The following SCG5 variants were observed in gnomAD, a reference collection of about 807,000 sequenced individuals.
The protein encoded by SCG5 is neuroendocrine protein 7B2.
Under a neutral mutation model 25.7 loss-of-function variants are expected in SCG5, and 18 were observed. That is an observed-to-expected ratio of 0.70 (90% CI 0.48 to 1.04). SCG5 has a LOEUF of 1.04. Ranked by LOEUF, SCG5 falls within the 50% of genes least tolerant of loss-of-function variation. SCG5 has a pLI of 0.00. For synonymous variants in SCG5, 101 were observed against 91.7 expected (o/e 1.10, Z -0.58); for missense variants, 206 against 259.8 (o/e 0.79, Z 1.42).
chr15:32,649,819 A>T (rs145567186), intron 2 of SCG5, among the ~76,000 whole-genome samples: 1 of 152,332 alleles, frequency 6.6e-6, no homozygotes, highest in Admixed American at 6.5e-5. Flanking sequence ...TATGGCAGAG[A>T]ACTCGGGTTA....
chr15:32,657,865 G>A (rs55683307), intron 2 of SCG5, among the ~76,000 whole-genome samples: 24,753 of 152,094 alleles, frequency 0.16, 2,183 homozygotes, highest in Middle Eastern at 0.23. Flanking sequence ...TATTTATGTA[G>A]GATCTCCATC....
intron 4 of SCG5, among the ~76,000 whole-genome samples, chr15:32,688,784 C>G (rs1567089112): frequency 6.6e-6 from 1 of 152,052 alleles, no homozygotes; most frequent in East Asian, 1.9e-4. Context: ...CAGTGAAACC[C>G]CGTCTCTACT....
intron 2 of SCG5, among the ~76,000 whole-genome samples, chr15:32,657,199 G>GTATGTATATATATATATATATA (rs2054131855): frequency 1.5e-4 from 1 of 6,700 alleles, no homozygotes; most frequent in Non-Finnish European, 2.9e-4. Context: ...TCATCCTCCT[G>GTATGTATATATATATATATATA]TATATATATA....
intron 2 of SCG5, among the ~76,000 whole-genome samples, chr15:32,645,081 C>T (rs1192817921): frequency 6.6e-6 from 1 of 152,224 alleles, no homozygotes; most frequent in Non-Finnish European, 1.5e-5. Context: ...TGAATTAGAA[C>T]AAATCCGACA....
intron 2 of SCG5, among the ~76,000 whole-genome samples, chr15:32,652,295 G>C (rs978195627): frequency 2.0e-5 from 3 of 152,090 alleles, no homozygotes; most frequent in Non-Finnish European, 2.9e-5. Flanking sequence ...GGGCATTGAG[G>C]GGATAAACAA....
Position 32,696,545 on chromosome 15 carries a change from TGGA to T in SCG5, c.576_578del (p.Asp193del), listed in dbSNP as rs1278476508. The T allele has an allele frequency of 6.2e-7, 1 of 1,613,014 alleles. No homozygotes were observed. Among genetic ancestry groups the T allele is most frequent in the Non-Finnish European group, 8.5e-7 (1 of 1,179,390 alleles). ...AATCCATATCTACAAGGACAGAGACTGGATAATGTTGTTGCAAAGAAGTCTGTC... is the reference window on the plus strand; with the variant it reads ...AATCCATATCTACAAGGACAGAGACTTAATGTTGTTGCAAAGAAGTCTGTC... On this transcript the variant is annotated inframe_deletion, in exon 6 of 6. Coordinates refer to ENST00000300175, the MANE Select transcript of SCG5 (RefSeq NM_001144757.3).
chr15:32,689,309 A>G (rs1437766899), intron 4 of SCG5, among the ~76,000 whole-genome samples: 1 of 152,190 alleles, frequency 6.6e-6, no homozygotes, highest in Admixed American at 6.5e-5. Context: ...GGCCAGTGCG[A>G]GTCTCCTCAA....
intron 2 of SCG5, among the ~76,000 whole-genome samples, chr15:32,647,466 ATAAAT>A (rs1386900221): frequency 2.0e-5 from 3 of 152,250 alleles, no homozygotes; most frequent in Non-Finnish European, 4.4e-5. Context: ...TAGTATCAGT[ATAAAT>A]TAATGTTAGG....
chr15:32,683,724 C>G (rs993108882), intron 3 of SCG5, among the ~76,000 whole-genome samples: 1 of 152,202 alleles, frequency 6.6e-6, no homozygotes, highest in African/African-American at 2.4e-5. Context: ...CTAAGCCTAT[C>G]TATATCTTAG....
intron 3 of SCG5, 29 bp downstream of exon 3, chr15:32,679,944 A>G (rs2140570761): frequency 6.4e-7 from 1 of 1,567,864 alleles, no homozygotes; most frequent in South Asian, 1.2e-5. Context: ...GGTTCCCATG[A>G]AAAGTTGGGG....
At chr15:32,690,509 A>G (rs2054831172) in intron 4 of SCG5, among the ~76,000 whole-genome samples, 1 of 152,180 alleles carries the variant, frequency 6.6e-6, no homozygotes, top group Non-Finnish European at 1.5e-5. Context: ...TATTAAATTG[A>G]TTTATTCCCC....
chr15:32,694,538 A>T (rs1015401760), intron 5 of SCG5, among the ~76,000 whole-genome samples: 1 of 152,254 alleles, frequency 6.6e-6, no homozygotes, highest in East Asian at 1.9e-4. Context: ...TGAACCTCTC[A>T]TATCCTCCTT....
intron 2 of SCG5, among the ~76,000 whole-genome samples, chr15:32,647,590 G>T (rs1015175435): frequency 6.6e-6 from 1 of 151,830 alleles, no homozygotes; most frequent in East Asian, 1.9e-4. Context: ...ACCTTTCACA[G>T]CTGCCTTTCA....
At chr15:32,682,672 G>T (rs777395349) in intron 3 of SCG5, among the ~76,000 whole-genome samples, 1 of 152,106 alleles carries the variant, frequency 6.6e-6, no homozygotes, top group African/African-American at 2.4e-5. Flanking sequence ...CTCATTCTTT[G>T]TTCTGCCACA....
chr15:32,693,279 G>A (rs1005699557), intron 5 of SCG5, among the ~76,000 whole-genome samples: 2 of 152,178 alleles, frequency 1.3e-5, no homozygotes, highest in Admixed American at 1.3e-4. Context: ...ATTTTTCCGT[G>A]AGACTAGTGA....
At chr15:32,642,568 CAAAAAAAAAAAA>C (rs11338067) in intron 1 of SCG5, among the ~76,000 whole-genome samples, 2 of 49,730 alleles carry the variant, frequency 4.0e-5, no homozygotes, top group African/African-American at 8.2e-5. Context: ...AACTCCGTCT[CAAAAAAAAAAAA>C]AAAAAAAAAA....
chr15:32,666,120 C>T (rs534497809), intron 2 of SCG5, among the ~76,000 whole-genome samples: 3 of 152,196 alleles, frequency 2.0e-5, no homozygotes, highest in East Asian at 3.9e-4. Context: ...TTCTTTTCCC[C>T]GAATGTTTCT....
chr15:32,694,846 G>T (rs1327891355), intron 5 of SCG5, among the ~76,000 whole-genome samples: 1 of 152,118 alleles, frequency 6.6e-6, no homozygotes, highest in Non-Finnish European at 1.5e-5. Context: ...GCTAAACTCA[G>T]GTTTCATTCC....
chr15:32,694,118 G>GCAAAA (rs1172972550), intron 5 of SCG5, among the ~76,000 whole-genome samples: 4 of 151,950 alleles, frequency 2.6e-5, no homozygotes, highest in Non-Finnish European at 5.9e-5. Context: ...TCAAAACAAA[G>GCAAAA]CAAAACAAAA....
Sources: allele counts gnomAD v4.1 joint callset (sites outside exome capture counted in the v4.1 genomes callset), GRCh38; gene constraint gnomAD v4.1.1; transcripts MANE v1.5; gene names NCBI Gene and HGNC (gene_info 2026-07-23, HGNC 2026-07-21).